DPYSL4: variants seen among roughly 807,000 people sequenced by gnomAD.
DPYSL4 encodes the protein dihydropyrimidinase-related protein 4.
Under a neutral mutation model 63.4 loss-of-function variants are expected in DPYSL4, and 43 were observed. That is an observed-to-expected ratio of 0.68 (90% CI 0.53 to 0.88). The LOEUF is 0.88. DPYSL4 is among the 40% of genes least tolerant of loss of function. DPYSL4 has a pLI of 0.00. For missense variants in DPYSL4, 733 were observed against 819.5 expected (o/e 0.89, Z 1.29); for synonymous variants, 353 against 331.7 (o/e 1.06, Z -0.70).
chr10:132,192,451 C>T, intron 2 of DPYSL4: 1 of 1,274,880 alleles, frequency 7.8e-7, no homozygotes, highest in Non-Finnish European at 9.9e-7. Context: ...TGAGGCTGGA[C>T]CCTGCAGTGA....
chr10:132,204,168 T>C (rs1199928469), intron 13 of DPYSL4, among the ~76,000 whole-genome samples: 4 of 152,126 alleles, frequency 2.6e-5, no homozygotes, highest in African/African-American at 9.7e-5. Flanking sequence ...TTCAAGACAG[T>C]GGCACTGGGG....
intron 2 of DPYSL4, 151 bp from the exon 3 acceptor site, chr10:132,192,507 G>A (rs1056648515): frequency 1.9e-5 from 27 of 1,397,742 alleles, no homozygotes; most frequent in South Asian, 1.3e-4. Flanking sequence ...TGGCACTCCC[G>A]AGGAGCTAGT....
At chr10:132,187,129 G>T in intron 1 of DPYSL4, 27 bp downstream of exon 1, 1 of 1,508,716 alleles carries the variant, frequency 6.6e-7, no homozygotes, top group Non-Finnish European at 8.9e-7. Context: ...TTCGCCCGGC[G>T]CCCCCTGCCC....
intron 7 of DPYSL4, 88 bp from the exon 8 acceptor site, chr10:132,198,763 T>C (rs1485072754): frequency 1.9e-6 from 3 of 1,553,830 alleles, no homozygotes; most frequent in Non-Finnish European, 2.6e-6. Context: ...TGGGATCCCA[T>C]GGGTGACACC....
chr10:132,196,778 C>G, intron 4 of DPYSL4, 83 bp from the exon 5 acceptor site: 1 of 1,510,648 alleles, frequency 6.6e-7, no homozygotes, highest in Admixed American at 1.7e-5. Flanking sequence ...GACCCCCAAC[C>G]CTCCAGTGGG....
At chr10:132,202,860 G>A in intron 12 of DPYSL4, 35 bp downstream of exon 12, 1 of 1,555,204 alleles carries the variant, frequency 6.4e-7, no homozygotes, top group South Asian at 1.2e-5. Context: ...TGTGCAGGTA[G>A]GCAGGTGGGC....
chr10:132,199,500 A>G (rs942803295), intron 8 of DPYSL4, among the ~76,000 whole-genome samples: 35 of 152,044 alleles, frequency 2.3e-4, no homozygotes, highest in African/African-American at 8.0e-4. Context: ...GAGCCCCAGC[A>G]ATCACTGGGG....
Position 132,196,933 on chromosome 10 carries a change from G to A in DPYSL4, c.540+11G>A. ...TGCAGCGACAGCCAGGTAAGGGCAG[G>A]CGTGGGGAACGGAGTGGGCAGGTAT... On this transcript the variant is annotated intron_variant, in intron 5 of 13. Coordinates refer to ENST00000338492, the MANE Select transcript of DPYSL4 (RefSeq NM_006426.3). 1 of 1,554,058 alleles carries A rather than the reference G, an allele frequency of 6.4e-7. No homozygotes were observed. The highest frequency in any genetic ancestry group is 2.2e-5 in the East Asian group (1 of 44,654).
At chr10:132,197,642 C>A (rs1422894301) in intron 6 of DPYSL4, among the ~76,000 whole-genome samples, 1 of 152,258 alleles carries the variant, frequency 6.6e-6, no homozygotes, top group Non-Finnish European at 1.5e-5. Flanking sequence ...TGGGCCACCC[C>A]ATACCCGTGG....
intron 2 of DPYSL4, 183 bp from the exon 3 acceptor site, chr10:132,192,475 C>T (rs1037132904): frequency 1.5e-5 from 20 of 1,362,538 alleles, no homozygotes; most frequent in African/African-American, 8.9e-5. Context: ...TCCTGAGCTG[C>T]GCTGAGTGAT....
At chr10:132,199,631 G>A (rs1031322904) in intron 8 of DPYSL4, among the ~76,000 whole-genome samples, 4 of 146,418 alleles carry the variant, frequency 2.7e-5, no homozygotes, top group Admixed American at 6.8e-5. Flanking sequence ...ACTGAGTCCT[G>A]AGAGACCTCG....
chr10:132,204,475 G>C (rs1279739243), intron 13 of DPYSL4, among the ~76,000 whole-genome samples: 1 of 152,282 alleles, frequency 6.6e-6, no homozygotes, highest in East Asian at 1.9e-4. Context: ...ACTCAGGCCT[G>C]GGGGCAGGTC....
At chr10:132,189,561 C>G (rs2061847318) in intron 1 of DPYSL4, among the ~76,000 whole-genome samples, 2 of 151,940 alleles carry the variant, frequency 1.3e-5, no homozygotes, top group Admixed American at 6.6e-5. Context: ...CTGTGTCCCA[C>G]TGGGAGTGCG....
rs747130392 is a variant in DPYSL4 at position 132,203,771 on chromosome 10, A to G, written c.1471A>G (p.Ile491Val). ...RIKARNRLAE[I>V]HGVPRGLYDG... ...CCCACCCCCCCGGCAGCTGGCGGAG[A>G]TCCACGGTGTGCCCCGTGGACTGTA... Residue 491 changes from isoleucine to valine, a missense_variant, in exon 13 of 14, where the codon ATC becomes GTC. By Grantham distance (29) the Ile-to-Val change is conservative (BLOSUM62 3). Transcript: ENST00000338492. The G allele has an allele frequency of 2.5e-6, 4 of 1,600,550 alleles. No individual in the cohort carries two copies. In the South Asian group the frequency reaches 4.4e-5, roughly 18 times the overall value.
In DPYSL4 at chr10:132,187,012, C is replaced by CCTTTT; in HGVS notation, c.-52_-51insCTTTT. The CCTTTT allele has an allele frequency of 4.5e-6, 1 of 222,364 alleles. No individual in the cohort carries two copies. Among genetic ancestry groups the CCTTTT allele is most frequent in the South Asian group, 7.2e-5 (1 of 13,794 alleles). 13.8% of individuals were successfully genotyped at this position (222,364 alleles called of 1,614,324 possible). On this transcript the variant is annotated 5_prime_UTR_variant, in exon 1 of 14. Transcript: ENST00000338492. ...TCACGCGTCCCCCCGCCCGCCCGCC[C>CCTTTT]GCCCGCCCGCCCCCGCTTGTGCCGC...
At chr10:132,196,294 T>C (rs540457759) in intron 4 of DPYSL4, among the ~76,000 whole-genome samples, 1 of 152,302 alleles carries the variant, frequency 6.6e-6, no homozygotes, top group Admixed American at 6.5e-5. Flanking sequence ...GCCCTCTTCC[T>C]GTTTGGGCCC....
chr10:132,203,734 CCT>C (rs769738823), intron 12 of DPYSL4, 26 bp from the exon 13 acceptor site: 17 of 1,583,896 alleles, frequency 1.1e-5, no homozygotes, highest in African/African-American at 1.3e-5. Context: ...CCCCTCATGC[CCT>C]GTCTCTGCCC....
chr10:132,199,907 C>CG (rs1321523529), intron 8 of DPYSL4, among the ~76,000 whole-genome samples: 1 of 151,966 alleles, frequency 6.6e-6, no homozygotes, highest in Non-Finnish European at 1.5e-5. Flanking sequence ...AGGCTCTTCT[C>CG]GGGGGGTGCC....
At chr10:132,190,435 A>G (rs1290740490) in intron 1 of DPYSL4, among the ~76,000 whole-genome samples, 1 of 152,252 alleles carries the variant, frequency 6.6e-6, no homozygotes, top group Non-Finnish European at 1.5e-5. Context: ...GGGGCTCCTC[A>G]ATCCAGTGGT....
Sources: gnomAD v4.1 joint callset for allele counts (sites outside exome capture counted in the v4.1 genomes callset) on GRCh38, gnomAD v4.1.1 for gene constraint, MANE v1.5 for transcripts, NCBI Gene and HGNC (gene_info 2026-07-23, HGNC 2026-07-21) for gene names.